DCAF10: variants seen among roughly 807,000 people sequenced by gnomAD.
DCAF10 encodes the protein DDB1 and CUL4 associated factor 10.
Under a neutral mutation model 51.9 loss-of-function variants are expected in DCAF10, and 19 were observed. That is an observed-to-expected ratio of 0.37 (90% CI 0.26 to 0.54). DCAF10 has a LOEUF of 0.54. Among genes scored for constraint, DCAF10 ranks in the 20% least tolerant of loss-of-function variants. The pLI is 0.87. For missense variants in DCAF10, 510 were observed against 730.6 expected (o/e 0.70, Z 3.48); for synonymous variants, 291 against 297.1 (o/e 0.98, Z 0.21).
At chr9:37,840,831 C>T (rs1485557976) in intron 2 of DCAF10, among the ~76,000 whole-genome samples, 1 of 152,198 alleles carries the variant, frequency 6.6e-6, no homozygotes, top group Non-Finnish European at 1.5e-5. Context: ...GTGCCCTATA[C>T]AGGCGTAACA....
At chr9:37,852,030 G>A (rs994705686) in intron 3 of DCAF10, among the ~76,000 whole-genome samples, 6 of 151,866 alleles carry the variant, frequency 4.0e-5, no homozygotes, top group African/African-American at 1.5e-4. Flanking sequence ...TGAATAATAC[G>A]AATCTTAAGA....
At position 37,819,938 on chromosome 9, in the gene DCAF10, C is replaced by A. The variant is rs1474611909; in HGVS notation, c.653+537C>A. 2.0e-5 allele frequency among the ~76,000 whole-genome samples: 3 copies of A among 152,004 alleles called. 1 individual carries two copies. The highest frequency in any genetic ancestry group is 4.4e-5 in the Non-Finnish European group (3 of 67,988). On this transcript the variant is annotated intron_variant, in intron 2 of 6. Coordinates refer to ENST00000377724, the MANE Select transcript of DCAF10 (RefSeq NM_024345.5). Reference sequence around the variant, plus strand: ...AATGATGGTCATAGAGACTACATAGCAACATAGACAAATGCTTCGCATAAT... The same window carrying A: ...AATGATGGTCATAGAGACTACATAGAAACATAGACAAATGCTTCGCATAAT...
In DCAF10 at chr9:37,861,642, C is replaced by T; in HGVS notation, c.*134C>T. On this transcript the variant is annotated 3_prime_UTR_variant, in exon 7 of 7. Transcript: ENST00000377724. The surrounding 1 kb of genome is among the most constrained non-coding windows in gnomAD (Gnocchi z 4.9). ...CCTGGTTCTTATGGGTCCATGAACA[C>T]ACTTGTGACCTTAGTACTTGGTCAT... is the stretch of plus-strand genomic sequence containing the variant. 1 of 1,266,582 alleles carries T rather than the reference C, an allele frequency of 7.9e-7. No individual in the cohort carries two copies. The highest frequency in any genetic ancestry group is 2.5e-5 in the East Asian group (1 of 40,682). 78.5% of individuals were successfully genotyped at this position (1,266,582 alleles called of 1,614,324 possible). A position where few individuals can be genotyped will look rare whatever the true frequency, so the allele number is the denominator to read the frequency against.
chr9:37,825,292 A>C (rs1829817876), intron 2 of DCAF10, among the ~76,000 whole-genome samples: 1 of 152,230 alleles, frequency 6.6e-6, no homozygotes, highest in South Asian at 2.1e-4. Flanking sequence ...TTGCAGCACT[A>C]TTCACAATAG....
chr9:37,830,321 A>G (rs1179378707), intron 2 of DCAF10, among the ~76,000 whole-genome samples: 1 of 152,260 alleles, frequency 6.6e-6, no homozygotes, highest in African/African-American at 2.4e-5. Context: ...CATTACAAAC[A>G]TAAGCTTGGT....
rs1297799091 is a variant in DCAF10, at chr9:37,844,206, C to T, written c.851+1920C>T. 3.3e-5 allele frequency among the ~76,000 whole-genome samples: 5 copies of T among 152,220 alleles called. No homozygotes were observed. In the South Asian group the frequency reaches 6.2e-4, roughly 19 times the overall value. ...GTGGAAAATATTAACAGCATTCTCT[C>T]ATTTACTTATCTAGATAAGATAGAC... is the stretch of plus-strand genomic sequence containing the variant. On this transcript the variant is annotated intron_variant, in intron 3 of 6. Transcript: ENST00000377724.
intron 2 of DCAF10, among the ~76,000 whole-genome samples, chr9:37,821,852 C>T (rs552794492): frequency 2.0e-5 from 3 of 151,956 alleles, no homozygotes; most frequent in Non-Finnish European, 2.9e-5. Flanking sequence ...AGAAAATCTT[C>T]GCAATCTATA....
At chr9:37,845,810 C>T (rs973716657) in intron 3 of DCAF10, among the ~76,000 whole-genome samples, 1 of 152,096 alleles carries the variant, frequency 6.6e-6, no homozygotes, top group Non-Finnish European at 1.5e-5. Flanking sequence ...TCATGCGGTG[C>T]TTGTTATTTA....
Position 37,862,329 on chromosome 9 carries a change from G to T in DCAF10, c.*821G>T, listed in dbSNP as rs554277293. 6.6e-6 allele frequency: 1 copy of T among 152,500 alleles called. No homozygotes were observed. Among genetic ancestry groups the T allele is most frequent in the East Asian group, 1.9e-4 (1 of 5,200 alleles). The allele number at this position is 152,500 out of a possible 1,614,324, so 9.4% of individuals were successfully genotyped here. ...TTGGTTATTTCTATTGCACAGAAAA[G>T]GATTTTTAAAATTAGATTAGTATAA... On this transcript the variant is annotated 3_prime_UTR_variant, in exon 7 of 7. Coordinates refer to ENST00000377724, the MANE Select transcript of DCAF10 (RefSeq NM_024345.5).
chr9:37,859,389 T>TAACA (rs1309452185), intron 5 of DCAF10, among the ~76,000 whole-genome samples: 2 of 152,224 alleles, frequency 1.3e-5, no homozygotes, highest in African/African-American at 4.8e-5. Flanking sequence ...TTCCTATTAT[T>TAACA]AACAGTGCCT....
chr9:37,841,600 A>G (rs1700830433), intron 2 of DCAF10, among the ~76,000 whole-genome samples: 3 of 152,214 alleles, frequency 2.0e-5, no homozygotes, highest in Admixed American at 1.3e-4. Context: ...TGGCAATTTT[A>G]TAGCAATTTT....
chr9:37,850,820 T>C lies in DCAF10; in HGVS notation c.852-3960T>C, dbSNP rs1443735880. ...ATCATAAATGCTAAGTATGTGAGGATATATTTTATATATATATATATATAT... is the reference window on the plus strand; with the variant it reads ...ATCATAAATGCTAAGTATGTGAGGACATATTTTATATATATATATATATAT... On this transcript the variant is annotated intron_variant, in intron 3 of 6. Transcript: ENST00000377724. Among the ~76,000 whole-genome samples, 3 of 66,084 alleles carry C rather than the reference T, an allele frequency of 4.5e-5. No individual in the cohort carries two copies. In the East Asian group the frequency reaches 1.2e-3, roughly 27 times the overall value. The allele number at this position is 66,084 out of a possible 152,430, so 43.4% of individuals were successfully genotyped here.
At chr9:37,808,519 ATATAT>A (rs371600841) in intron 1 of DCAF10, among the ~76,000 whole-genome samples, 2,424 of 116,032 alleles carry the variant, frequency 0.021, 44 homozygotes, top group Non-Finnish European at 0.028. Flanking sequence ...TATTTATATA[ATATAT>A]TATATAAATA....
intron 1 of DCAF10, among the ~76,000 whole-genome samples, chr9:37,810,074 C>T (rs918065913): frequency 4.0e-5 from 6 of 151,626 alleles, no homozygotes; most frequent in Non-Finnish European, 7.4e-5. Context: ...ATCACTTGAA[C>T]CTGGGAGGCG....
intron 3 of DCAF10, among the ~76,000 whole-genome samples, chr9:37,849,355 GT>G (rs1830566320): frequency 6.6e-6 from 1 of 152,190 alleles, no homozygotes; most frequent in Admixed American, 6.5e-5. Context: ...GGACCAGGTA[GT>G]ACATATTTTA....
chr9:37,860,127 C>T lies in DCAF10; in HGVS notation c.1245C>T (p.Ser415=). Residue 415 remains serine (S), a synonymous_variant, in exon 6 of 7, where the codon TCC becomes TCT. Transcript: ENST00000377724. Reference sequence around the variant, plus strand: ...GTGACCACGGAAACTGCATCACGTCCTTACAGCTGCACCCAAAAGGCTGGG... The same window carrying T: ...GTGACCACGGAAACTGCATCACGTCTTTACAGCTGCACCCAAAAGGCTGGG... ...GESDHGNCIT[S]LQLHPKGWAT... 6.8e-6 allele frequency: 11 copies of T among 1,614,144 alleles called. No homozygotes were observed. The highest frequency in any genetic ancestry group is 1.1e-5 in the South Asian group (1 of 91,086).
chr9:37,856,588 A>C (rs1414135297), intron 4 of DCAF10, among the ~76,000 whole-genome samples: 2 of 152,236 alleles, frequency 1.3e-5, no homozygotes, highest in African/African-American at 4.8e-5. Context: ...GGAGTAATAT[A>C]TCAGACTCCA....
rs1365235543 is a variant in DCAF10 at position 37,861,611 on chromosome 9, C to G, written c.*103C>G. 2.7e-6 allele frequency: 4 copies of G among 1,488,992 alleles called. No homozygotes were observed. The East Asian group carries it at 9.2e-5, about 34-fold the overall frequency. 92.2% of individuals were successfully genotyped at this position (1,488,992 alleles called of 1,614,324 possible). On this transcript the variant is annotated 3_prime_UTR_variant, in exon 7 of 7. Coordinates refer to ENST00000377724, the MANE Select transcript of DCAF10 (RefSeq NM_024345.5). This position sits in a 1 kb window ranked among gnomAD's most constrained non-coding sequence, Gnocchi z 4.9. ...TTTAGAAGATCTTATAAGTTTGGGT[C>G]AAGATCCTGGTTCTTATGGGTCCAT...
Position 37,801,407 on chromosome 9 carries a change from T to G in DCAF10, c.539+2T>G. The G allele has an allele frequency of 6.8e-7, 1 of 1,475,114 alleles. No individual in the cohort carries two copies. Among genetic ancestry groups the G allele is most frequent in the Non-Finnish European group, 9.0e-7 (1 of 1,109,594 alleles). The allele number at this position is 1,475,114 out of a possible 1,614,324, so 91.4% of individuals were successfully genotyped here. On this transcript the variant is annotated splice_donor_variant, in intron 1 of 6. Coordinates refer to ENST00000377724, the MANE Select transcript of DCAF10 (RefSeq NM_024345.5). LOFTEE classifies it high-confidence loss of function. This position sits in a 1 kb window ranked among gnomAD's most constrained non-coding sequence, Gnocchi z 5.5. Reference sequence around the variant, plus strand: ...CAACCTCGAGTACTCGCCCGACGGGTAAGCGCGGCCCCTCGGAGGGCGGGC... The same window carrying G: ...CAACCTCGAGTACTCGCCCGACGGGGAAGCGCGGCCCCTCGGAGGGCGGGC...
Sources: allele counts gnomAD v4.1 joint callset (sites outside exome capture counted in the v4.1 genomes callset), GRCh38; gene constraint gnomAD v4.1.1; non-coding constraint Gnocchi (gnomAD v3.1); transcripts MANE v1.5; gene names NCBI Gene and HGNC (gene_info 2026-07-23, HGNC 2026-07-21).